Variants in DCPS observed in about 807,000 individuals in gnomAD.
DCPS encodes decapping enzyme, scavenger, also known as m7GpppX diphosphatase.
Under a neutral mutation model 34.7 loss-of-function variants are expected in DCPS, and 27 were observed. That is an observed-to-expected ratio of 0.78 (90% CI 0.57 to 1.07). The LOEUF is 1.07. Ranked by LOEUF, DCPS falls within the 50% of genes least tolerant of loss-of-function variation. The pLI, the probability that DCPS is intolerant of heterozygous loss-of-function variation, is 0.00. For missense variants in DCPS, 464 were observed against 436.9 expected, an observed-to-expected ratio of 1.06 and a Z score of -0.55; for synonymous variants, 185 against 185.7, an observed-to-expected ratio of 1.00 and a Z score of 0.03.
chr11:126,304,516 T>C (rs1295970138), intron 1 of DCPS, among the ~76,000 whole-genome samples: 3 of 152,084 alleles, frequency 2.0e-5, no homozygotes, highest in Admixed American at 1.3e-4. Flanking sequence ...CCACTAGAAA[T>C]ATCTACTGGG....
chr11:126,349,770 AATAAG>A lies in DCPS; in HGVS notation c.*4162_*4166del, dbSNP rs1185399827. 3.9e-5 allele frequency among the ~76,000 whole-genome samples: 6 copies of A among 152,210 alleles called. No individual in the cohort carries two copies. Among genetic ancestry groups the A allele is most frequent in the Non-Finnish European group, 5.9e-5 (4 of 68,046 alleles). On this transcript the variant is annotated 3_prime_UTR_variant, in exon 6 of 6. Transcript: ENST00000263579. This position sits in a 1 kb window ranked among gnomAD's most constrained non-coding sequence, Gnocchi z 5.4. ...TATAAGGTTAAAATGTATTTTTTAA[AATAAG>A]ATAATTATTGATAGTTGTTTTTAAA...
At chr11:126,309,592 T>C (rs1390804224) in intron 2 of DCPS, among the ~76,000 whole-genome samples, 1 of 152,212 alleles carries the variant, frequency 6.6e-6, no homozygotes, top group African/African-American at 2.4e-5. Flanking sequence ...ATTCTTCATT[T>C]GGTTGAATCC....
chr11:126,330,721 T>TATA (rs1951782251), intron 2 of DCPS, among the ~76,000 whole-genome samples: 2 of 22,262 alleles, frequency 9.0e-5, no homozygotes, highest in Non-Finnish European at 1.5e-4. Flanking sequence ...ATATATATAT[T>TATA]TTTTTTTTTT....
Position 126,312,456 on chromosome 11 carries a change from A to G in DCPS, c.376+5712A>G, listed in dbSNP as rs1339765516. Among the ~76,000 whole-genome samples, 3 of 152,000 alleles carry G rather than the reference A, an allele frequency of 2.0e-5. No homozygotes were observed. The highest frequency in any genetic ancestry group is 4.8e-5 in the African/African-American group (2 of 41,360). ...CGGGTTCAAGCCATTCTCCTGCCTCAGCCTCCTGAGTAGCTGGGACTACAG... is the reference window on the plus strand; with the variant it reads ...CGGGTTCAAGCCATTCTCCTGCCTCGGCCTCCTGAGTAGCTGGGACTACAG... On this transcript the variant is annotated intron_variant, in intron 2 of 5. Coordinates refer to ENST00000263579, the MANE Select transcript of DCPS (RefSeq NM_014026.6). This position sits in a 1 kb window ranked among gnomAD's most constrained non-coding sequence, Gnocchi z 5.1.
At chr11:126,324,546 G>C (rs991502944) in intron 2 of DCPS, among the ~76,000 whole-genome samples, 1 of 150,512 alleles carries the variant, frequency 6.6e-6, no homozygotes, top group East Asian at 1.9e-4. Context: ...CCTCCGTTTC[G>C]CAGCTCAAGG....
intron 2 of DCPS, among the ~76,000 whole-genome samples, chr11:126,321,213 C>T (rs981326470): frequency 6.7e-6 from 1 of 149,546 alleles, no homozygotes; most frequent in Non-Finnish European, 1.5e-5. Context: ...CAAGATGGCG[C>T]CACCGCACTC....
rs1156779223 is a variant in DCPS, at chr11:126,342,957, C to G, written c.637-350C>G. On this transcript the variant is annotated intron_variant, in intron 4 of 5. Transcript: ENST00000263579. This position sits in a 1 kb window ranked among gnomAD's most constrained non-coding sequence, Gnocchi z 4.4. ...TGGTGGCACGCACCTGTAGTCCCAG[C>G]TACTTGGGAGGCTGAGGCAGAAGAA... 6.6e-6 allele frequency among the ~76,000 whole-genome samples: 1 copy of G among 151,386 alleles called. No individual in the cohort carries two copies. The highest frequency in any genetic ancestry group is 1.5e-5 in the Non-Finnish European group (1 of 67,960).
chr11:126,311,132 A>G (rs1951616051), intron 2 of DCPS, among the ~76,000 whole-genome samples: 1 of 152,214 alleles, frequency 6.6e-6, no homozygotes, highest in Admixed American at 6.5e-5. Context: ...TCCAGCTGCA[A>G]TGTCCATCCC....
chr11:126,331,932 G>A lies in DCPS; in HGVS notation c.522+382G>A, dbSNP rs370488513. 1.3e-5 allele frequency among the ~76,000 whole-genome samples: 2 copies of A among 152,186 alleles called. No homozygotes were observed. Among genetic ancestry groups the A allele is most frequent in the African/African-American group, 2.4e-5 (1 of 41,430 alleles). ...GGTCCCACCTGATGTGCTTGGGCAT[G>A]CCATGGAGGCTCTCTGGGGACCTCA... On this transcript the variant is annotated intron_variant, in intron 3 of 5. Coordinates refer to ENST00000263579, the MANE Select transcript of DCPS (RefSeq NM_014026.6). The surrounding 1 kb of genome is among the most constrained non-coding windows in gnomAD (Gnocchi z 7.2).
rs1016905079 is a variant in DCPS, at chr11:126,323,047, G to A, written c.377-8358G>A. Among the ~76,000 whole-genome samples the A allele has an allele frequency of 3.9e-5, 6 of 152,036 alleles. No individual in the cohort carries two copies. In the South Asian group the frequency reaches 6.2e-4, roughly 16 times the overall value. ...TTGCCATGTAGCGCAGGCTGGTCTC[G>A]AACTCCTGGGCTCAATAGATTTCCC... On this transcript the variant is annotated intron_variant, in intron 2 of 5. Transcript: ENST00000263579. This position sits in a 1 kb window ranked among gnomAD's most constrained non-coding sequence, Gnocchi z 4.4.
At chr11:126,343,544 C>A in intron 5 of DCPS, 127 bp downstream of exon 5, 1 of 805,640 alleles carries the variant, frequency 1.2e-6, no homozygotes, top group Non-Finnish European at 2.0e-6. Flanking sequence ...GGATGCCAGT[C>A]TTGGGGACCC....
Position 126,336,202 on chromosome 11 carries a change from A to T in DCPS, c.523-2084A>T, listed in dbSNP as rs1951831376. On this transcript the variant is annotated intron_variant, in intron 3 of 5. Coordinates refer to ENST00000263579, the MANE Select transcript of DCPS (RefSeq NM_014026.6). The surrounding 1 kb of genome is among the most constrained non-coding windows in gnomAD (Gnocchi z 6.3). ...CTGAGAGCAGTGCCAGGCAGAGTGC[A>T]GCTGCTCTCACAGTCATCACTCCTT... 6.6e-6 allele frequency among the ~76,000 whole-genome samples: 1 copy of T among 151,286 alleles called. No individual in the cohort carries two copies. The highest frequency in any genetic ancestry group is 1.5e-5 in the Non-Finnish European group (1 of 67,958).
rs1171407345 is a variant in DCPS at position 126,331,075 on chromosome 11, T to TA, written c.377-329dup. Among the ~76,000 whole-genome samples, 4 of 152,096 alleles carry TA rather than the reference T, an allele frequency of 2.6e-5. No individual in the cohort carries two copies. Among genetic ancestry groups the TA allele is most frequent in the Non-Finnish European group, 5.9e-5 (4 of 68,018 alleles). Reference sequence around the variant, plus strand: ...TCAGCTTTGGGTCCAGAAAGCCACATACCTAGAAATTTGGTATGTGAGAAG... The same window carrying TA: ...TCAGCTTTGGGTCCAGAAAGCCACATAACCTAGAAATTTGGTATGTGAGAAG... On this transcript the variant is annotated intron_variant, in intron 2 of 5. Transcript: ENST00000263579. This position sits in a 1 kb window ranked among gnomAD's most constrained non-coding sequence, Gnocchi z 7.2.
At position 126,331,663 on chromosome 11, in the gene DCPS, T is replaced by C. The variant is rs1389530224; in HGVS notation, c.522+113T>C. ...CCAGGCGCTGTGCTGGGCGAGGGGA[T>C]GGGGGTACAGTAGAGAGCATGGCGG... On this transcript the variant is annotated intron_variant, in intron 3 of 5. Transcript: ENST00000263579. This position sits in a 1 kb window ranked among gnomAD's most constrained non-coding sequence, Gnocchi z 7.2. 1 of 1,356,912 alleles carries C rather than the reference T, an allele frequency of 7.4e-7. No individual in the cohort carries two copies. The highest frequency in any genetic ancestry group is 1.0e-6 in the Non-Finnish European group (1 of 1,001,862). 84.1% of individuals were successfully genotyped at this position (1,356,912 alleles called of 1,614,324 possible). A position where few individuals can be genotyped will look rare whatever the true frequency, so the allele number is the denominator to read the frequency against.
In DCPS at chr11:126,345,343, T is replaced by G. The variant is rs751046484; in HGVS notation, c.748-4T>G. On this transcript the variant is annotated splice_region_variant and splice_polypyrimidine_tract_variant and intron_variant, in intron 5 of 5. Transcript: ENST00000263579. The surrounding 1 kb of genome is among the most constrained non-coding windows in gnomAD (Gnocchi z 7.4). ...TCCTGACCTGCCTGCCCCTGTCTCATCAGGAGGCCATCCTGCAGCGCTACC... is the reference window on the plus strand; with the variant it reads ...TCCTGACCTGCCTGCCCCTGTCTCAGCAGGAGGCCATCCTGCAGCGCTACC... The G allele has an allele frequency of 6.2e-7, 1 of 1,613,506 alleles. No homozygotes were observed. Among genetic ancestry groups the G allele is most frequent in the Non-Finnish European group, 8.5e-7 (1 of 1,179,938 alleles).
In DCPS at chr11:126,312,292, T is replaced by C. The variant is rs911695187; in HGVS notation, c.376+5548T>C. Among the ~76,000 whole-genome samples, 2 of 152,174 alleles carry C rather than the reference T, an allele frequency of 1.3e-5. No individual in the cohort carries two copies. The highest frequency in any genetic ancestry group is 4.8e-5 in the African/African-American group (2 of 41,458). ...ATGGCATACTCTGTAGTATTTCCTA[T>C]CTAGTTTCAGCCTTATTGGTTTCCT... is the stretch of plus-strand genomic sequence containing the variant. On this transcript the variant is annotated intron_variant, in intron 2 of 5. Transcript: ENST00000263579. This position sits in a 1 kb window ranked among gnomAD's most constrained non-coding sequence, Gnocchi z 5.1.
intron 2 of DCPS, among the ~76,000 whole-genome samples, chr11:126,310,552 C>T (rs1011784209): frequency 1.3e-5 from 2 of 152,146 alleles, no homozygotes; most frequent in Non-Finnish European, 2.9e-5. Flanking sequence ...GTGAGGTCCT[C>T]GAAGGTTGGA....
rs1400187593 is a variant in DCPS, at chr11:126,327,821, A to C, written c.377-3584A>C. 2.6e-5 allele frequency among the ~76,000 whole-genome samples: 4 copies of C among 152,242 alleles called. No individual in the cohort carries two copies. The highest frequency in any genetic ancestry group is 4.4e-5 in the Non-Finnish European group (3 of 68,044). On this transcript the variant is annotated intron_variant, in intron 2 of 5. Transcript: ENST00000263579. This position sits in a 1 kb window ranked among gnomAD's most constrained non-coding sequence, Gnocchi z 4.1. ...ACTGAGTGCTTACTGTATGCCAGGC[A>C]CTATTCCAGGTGCTGGGGACAAATT... is the stretch of plus-strand genomic sequence containing the variant.
rs1951688265 is a variant in DCPS, at chr11:126,319,562, G to A, written c.377-11843G>A. ...ATCTTGGAGGGCACAAGCAGAGCAT[G>A]AGCAGTGTCATCTCTGCATGTCTGA... On this transcript the variant is annotated intron_variant, in intron 2 of 5. Coordinates refer to ENST00000263579, the MANE Select transcript of DCPS (RefSeq NM_014026.6). The surrounding 1 kb of genome is among the most constrained non-coding windows in gnomAD (Gnocchi z 4.5). 6.6e-6 allele frequency among the ~76,000 whole-genome samples: 1 copy of A among 152,124 alleles called. No homozygotes were observed. Among genetic ancestry groups the A allele is most frequent in the Non-Finnish European group, 1.5e-5 (1 of 68,020 alleles).
Sources: gnomAD v4.1 joint callset for allele counts (sites outside exome capture counted in the v4.1 genomes callset) on GRCh38, gnomAD v4.1.1 for gene constraint, Gnocchi (gnomAD v3.1) non-coding constraint, MANE v1.5 for transcripts, NCBI Gene and HGNC (gene_info 2026-07-23, HGNC 2026-07-21) for gene names.